SKOR2: variants seen among roughly 807,000 people sequenced by gnomAD.
SKOR2 encodes the protein SKI family transcriptional corepressor 2.
In SKOR2, 47 loss-of-function variants were observed where a neutral mutation model predicts 69.1. The ratio of observed to expected loss-of-function variants is 0.68; its 90% CI spans 0.54 to 0.87. SKOR2 has a LOEUF of 0.87. Among genes scored for constraint, SKOR2 ranks in the 40% least tolerant of loss-of-function variants. The pLI is 0.00. For missense variants in SKOR2, 1,404 were observed against 1,472.2 expected, an observed-to-expected ratio of 0.95 and a Z score of 0.76; for synonymous variants, 717 against 672.6, an observed-to-expected ratio of 1.07 and a Z score of -1.02.
In SKOR2 at chr18:47,247,175, G is replaced by T. The variant is rs1211007231; in HGVS notation, c.2009C>A (p.Pro670Gln). 7.7e-7 allele frequency: 1 copy of T among 1,306,904 alleles called. No individual in the cohort carries two copies. Among genetic ancestry groups the T allele is most frequent in the Non-Finnish European group, 9.7e-7 (1 of 1,031,392 alleles). 81.0% of individuals were successfully genotyped at this position (1,306,904 alleles called of 1,614,324 possible). A position where few individuals can be genotyped will look rare whatever the true frequency, so the allele number is the denominator to read the frequency against. The change falls in exon 2 of 9, where the codon CCG becomes CAG. Residue 670 changes from proline to glutamine, a missense_variant. Transcript: ENST00000425639. The surrounding 1 kb of genome is among the most constrained non-coding windows in gnomAD (Gnocchi z 6.6). ...PHHHHHHHHP[P>Q]QPPSPLLLLP... Reference sequence around the variant, plus strand: ...CAGCAGAAGCGGCGACGGCGGCTGCGGGGGGTGGTGGTGGTGGTGGTGGTG... The same window carrying T: ...CAGCAGAAGCGGCGACGGCGGCTGCTGGGGGTGGTGGTGGTGGTGGTGGTG...
Position 47,247,197 on chromosome 18 carries a change from G to T in SKOR2, c.1987C>A (p.His663Asn). ...HPHHHHHPHHHHHHHHPPQPP... is the reference protein window; with the variant it reads ...HPHHHHHPHHNHHHHHPPQPP... ...TGCGGGGGGTGGTGGTGGTGGTGGT[G>T]GTGGTGAGGGTGGTGATGGTGGTGG... Residue 663 changes from histidine to asparagine, a missense_variant, in exon 2 of 9, where the codon CAC (histidine) becomes AAC (asparagine). His to Asn is a moderately conservative substitution (Grantham distance 68). Transcript: ENST00000425639. The surrounding 1 kb of genome is among the most constrained non-coding windows in gnomAD (Gnocchi z 6.6). 1 of 1,379,402 alleles carries T rather than the reference G, an allele frequency of 7.2e-7. No homozygotes were observed. The highest frequency in any genetic ancestry group is 9.4e-7 in the Non-Finnish European group (1 of 1,067,904). 85.4% of individuals were successfully genotyped at this position (1,379,402 alleles called of 1,614,324 possible). A position where few individuals can be genotyped will look rare whatever the true frequency, so the allele number is the denominator to read the frequency against.
intron 6 of SKOR2, among the ~76,000 whole-genome samples, chr18:47,222,639 A>G (rs1390958971): frequency 4.6e-5 from 7 of 152,218 alleles, no homozygotes; most frequent in African/African-American, 1.7e-4. Context: ...CATGGCAAGC[A>G]TGGCTCCCTT....
chr18:47,209,751 T>C (rs2064122377), intron 8 of SKOR2, among the ~76,000 whole-genome samples: 1 of 151,582 alleles, frequency 6.6e-6, no homozygotes, highest in Non-Finnish European at 1.5e-5. Flanking sequence ...GGAAGATGGG[T>C]TGGGGAAGTG....
Position 47,246,569 on chromosome 18 carries a change from A to T in SKOR2, c.2613+2T>A. 1 of 1,514,316 alleles carries T rather than the reference A, an allele frequency of 6.6e-7. No individual in the cohort carries two copies. The highest frequency in any genetic ancestry group is 8.8e-7 in the Non-Finnish European group (1 of 1,138,676). The allele number at this position is 1,514,316 out of a possible 1,614,324, so 93.8% of individuals were successfully genotyped here. A position where few individuals can be genotyped will look rare whatever the true frequency, so the allele number is the denominator to read the frequency against. ...TTGAAGGAGCCTAAAGGGGATATTT[A>T]CATCTTTGTAGGAGGGCTGCTCCTC... On this transcript the variant is annotated splice_donor_variant, in intron 2 of 8. Coordinates refer to ENST00000425639, the MANE Select transcript of SKOR2 (RefSeq NM_001278063.4). LOFTEE classifies it high-confidence loss of function.
rs1326223860 is a variant in SKOR2 at position 47,247,930 on chromosome 18, GA to G, written c.1253del (p.Phe418SerfsTer78). On this transcript the variant is annotated frameshift_variant, in exon 2 of 9. Transcript: ENST00000425639. LOFTEE classifies it high-confidence loss of function. This position sits in a 1 kb window ranked among gnomAD's most constrained non-coding sequence, Gnocchi z 6.6. ...CATCCTCTTTCTTATGGCACAAGCT[GA>G]AGGCGGCGGCCGCGGCAGGGAAGGT... ...PYTFPAAAAA[F>X]SLCHKKEDAG... is the part of the protein sequence containing the mutation. 2 of 1,369,214 alleles carry G rather than the reference GA, an allele frequency of 1.5e-6. No homozygotes were observed. Among genetic ancestry groups the G allele is most frequent in the South Asian group, 1.7e-5 (1 of 57,272 alleles). The allele number at this position is 1,369,214 out of a possible 1,614,324, so 84.8% of individuals were successfully genotyped here.
chr18:47,225,053 A>C (rs560896162), intron 6 of SKOR2, among the ~76,000 whole-genome samples: 13 of 152,252 alleles, frequency 8.5e-5, no homozygotes, highest in African/African-American at 3.1e-4. Flanking sequence ...AAGAAAGAAG[A>C]AGGAAGGAAG....
intron 7 of SKOR2, among the ~76,000 whole-genome samples, chr18:47,218,934 T>C (rs2064152611): frequency 6.6e-6 from 1 of 152,336 alleles, no homozygotes; most frequent in South Asian, 2.1e-4. Context: ...GGAAAACCAA[T>C]TGCTGCAAAA....
chr18:47,217,211 G>A (rs527386348), intron 7 of SKOR2, among the ~76,000 whole-genome samples: 66 of 152,300 alleles, frequency 4.3e-4, no homozygotes, highest in South Asian at 3.7e-3. Context: ...GTACTACTTT[G>A]AGAAGGGCCA....
In SKOR2 at chr18:47,246,927, CG is replaced by C; in HGVS notation, c.2256del (p.Glu753ArgfsTer29). On this transcript the variant is annotated frameshift_variant, in exon 2 of 9. Transcript: ENST00000425639. LOFTEE classifies it high-confidence loss of function. ...QEVDVEGHKP[P>X]EGEEEEEGRD... Reference sequence around the variant, plus strand: ...CGACCTTCCTCCTCTTCCTCGCCCTCGGGGGGCTTGTGGCCCTCCACGTCCA... The same window carrying C: ...CGACCTTCCTCCTCTTCCTCGCCCTCGGGGGCTTGTGGCCCTCCACGTCCA... 4 of 1,496,182 alleles carry C rather than the reference CG, an allele frequency of 2.7e-6. No individual in the cohort carries two copies. Among genetic ancestry groups the C allele is most frequent in the East Asian group, 2.8e-5 (1 of 36,292 alleles). The allele number at this position is 1,496,182 out of a possible 1,614,324, so 92.7% of individuals were successfully genotyped here.
chr18:47,246,773 G>A lies in SKOR2; in HGVS notation c.2411C>T (p.Pro804Leu), dbSNP rs1460243184. The change falls in exon 2 of 9, where the codon CCG becomes CTG. Residue 804 changes from proline (P) to leucine (L), a missense_variant. Pro to Leu is a moderately conservative substitution (Grantham distance 98). Coordinates refer to ENST00000425639, the MANE Select transcript of SKOR2 (RefSeq NM_001278063.4). ...SEKGSSRDRA[P>L]AVAGAFPLGL... ...GAGCGGGAACGCGCCCGCGACGGCC[G>A]GCGCGCGGTCCCGGCTGCTCCCCTT... 3 of 1,403,344 alleles carry A rather than the reference G, an allele frequency of 2.1e-6. No individual in the cohort carries two copies. The highest frequency in any genetic ancestry group is 9.2e-7 in the Non-Finnish European group (1 of 1,088,498). The allele number at this position is 1,403,344 out of a possible 1,614,324, so 86.9% of individuals were successfully genotyped here.
At chr18:47,246,063 G>A (rs1160291148) in intron 2 of SKOR2, among the ~76,000 whole-genome samples, 1 of 152,136 alleles carries the variant, frequency 6.6e-6, no homozygotes, top group Admixed American at 6.5e-5. Flanking sequence ...CAACAGTTGT[G>A]TCCATTCTGG....
In SKOR2 at chr18:47,248,019, C is replaced by T; in HGVS notation, c.1165G>A (p.Gly389Ser). ...TTCTGCAGGACGCCCCCGAACGAGC[C>T]CTTGCTGGGCACCGGGATGACTGGG... is the stretch of plus-strand genomic sequence containing the variant. ...SYPVIPVPSK[G>S]SFGGVLQKFP... Residue 389 changes from glycine to serine, a missense_variant, in exon 2 of 9, where the codon GGC becomes AGC. Transcript: ENST00000425639. The surrounding 1 kb of genome is among the most constrained non-coding windows in gnomAD (Gnocchi z 6.4). The T allele has an allele frequency of 1.4e-6, 2 of 1,439,256 alleles. No individual in the cohort carries two copies. The highest frequency in any genetic ancestry group is 1.8e-6 in the Non-Finnish European group (2 of 1,097,700). 89.2% of individuals were successfully genotyped at this position (1,439,256 alleles called of 1,614,324 possible).
chr18:47,247,288 G>T lies in SKOR2; in HGVS notation c.1896C>A (p.Asp632Glu). The change falls in exon 2 of 9, where the codon GAC becomes GAA. Residue 632 changes from aspartate to glutamate, a missense_variant. By Grantham distance (45) the Asp-to-Glu change is conservative. Transcript: ENST00000425639. This position sits in a 1 kb window ranked among gnomAD's most constrained non-coding sequence, Gnocchi z 6.6. The stretch of plus-strand genomic sequence containing the variant: ...CGTGCAGCTTGGCCAGGCTCTCCGC[G>T]TCGTCCTTGCCGCCCACTGGCCGGA... The part of the protein sequence containing the change: ...SAFRPVGGKD[D>E]AESLAKLHGA... 6.7e-7 allele frequency: 1 copy of T among 1,482,518 alleles called. No homozygotes were observed. Among genetic ancestry groups the T allele is most frequent in the Non-Finnish European group, 8.9e-7 (1 of 1,122,312 alleles). 91.8% of individuals were successfully genotyped at this position (1,482,518 alleles called of 1,614,324 possible).
At position 47,233,055 on chromosome 18, in the gene SKOR2, A is replaced by ATGTG. The variant is rs138392837; in HGVS notation, c.2753-2059_2753-2056dup. Among the ~76,000 whole-genome samples the ATGTG allele has an allele frequency of 6.6e-5, 10 of 151,688 alleles. No individual in the cohort carries two copies. The East Asian group carries it at 1.9e-3, about 29-fold the overall frequency. On this transcript the variant is annotated intron_variant, in intron 4 of 8. Coordinates refer to ENST00000425639, the MANE Select transcript of SKOR2 (RefSeq NM_001278063.4). ...GGAGTATGTTTGTGTGTGTTTGTGC[A>ATGTG]TGTGTGTGTGTGTGTAGGTAAATAC... is the stretch of plus-strand genomic sequence containing the variant.
intron 4 of SKOR2, among the ~76,000 whole-genome samples, chr18:47,232,446 C>A (rs1186463307): frequency 1.3e-5 from 2 of 152,184 alleles, no homozygotes; most frequent in Non-Finnish European, 2.9e-5. Flanking sequence ...AAAAATTCAA[C>A]CCCCTATCCT....
chr18:47,230,536 A>C lies in SKOR2; in HGVS notation c.2840T>G (p.Phe947Cys), dbSNP rs7235231. ...MGKEELQKVL[F>C]EQIDLRRRLE... is the part of the protein sequence containing the mutation. ...TCGTCTCCGTAAATCTATTTGTTCA[A>C]ATAAAACCTTCTGAAGTTCTTCTAA... The change falls in exon 6 of 9, where the codon TTT becomes TGT. Residue 947 changes from phenylalanine to cysteine, a missense_variant. By Grantham distance (205) the Phe-to-Cys change is radical. This residue lies in a region of SKOR2 where 1,266 missense variants were observed against 1,309.9 expected (regional missense o/e 0.97). Coordinates refer to ENST00000425639, the MANE Select transcript of SKOR2 (RefSeq NM_001278063.4). 3,706 of 1,433,812 alleles carry C rather than the reference A, an allele frequency of 2.6e-3. 83 individuals are homozygous for C. The African/African-American group carries it at 0.044, about 17-fold the overall frequency. 88.8% of individuals were successfully genotyped at this position (1,433,812 alleles called of 1,614,324 possible). A position where few individuals can be genotyped will look rare whatever the true frequency, so the allele number is the denominator to read the frequency against.
rs1314125073 is a variant in SKOR2, at chr18:47,248,413, G to A, written c.771C>T (p.Ser257=). 6 of 1,525,762 alleles carry A rather than the reference G, an allele frequency of 3.9e-6. No homozygotes were observed. Among genetic ancestry groups the A allele is most frequent in the South Asian group, 3.6e-5 (3 of 83,628 alleles). The allele number at this position is 1,525,762 out of a possible 1,614,324, so 94.5% of individuals were successfully genotyped here. A position where few individuals can be genotyped will look rare whatever the true frequency, so the allele number is the denominator to read the frequency against. The change falls in exon 2 of 9, where the codon AGC becomes AGT. Residue 257 remains serine, a synonymous_variant. Transcript: ENST00000425639. The surrounding 1 kb of genome is among the most constrained non-coding windows in gnomAD (Gnocchi z 6.4). ...PGAHPACHPL[S]SVKAAAVAAA... ...CGGCCACGGCGGCCGCCTTCACAGA[G>A]CTGAGCGGGTGGCAGGCGGGGTGCG... is the stretch of plus-strand genomic sequence containing the variant.
At position 47,248,449 on chromosome 18, in the gene SKOR2, G is replaced by GGGCAGTGCGCGCTTGCGGCTGC; in HGVS notation, c.713_734dup (p.Gly248GlnfsTer183). On this transcript the variant is annotated frameshift_variant, in exon 2 of 9. Transcript: ENST00000425639. LOFTEE classifies it high-confidence loss of function. The surrounding 1 kb of genome is among the most constrained non-coding windows in gnomAD (Gnocchi z 6.4). ...GGCAGGCGGGGTGCGCGCCCGGCTG[G>GGGCAGTGCGCGCTTGCGGCTGC]GGCAGTGCGCGCTTGCGGCTGCCGC... 6.5e-7 allele frequency: 1 copy of GGGCAGTGCGCGCTTGCGGCTGC among 1,535,562 alleles called. No homozygotes were observed. Among genetic ancestry groups the GGGCAGTGCGCGCTTGCGGCTGC allele is most frequent in the Non-Finnish European group, 8.7e-7 (1 of 1,146,432 alleles).
chr18:47,249,812 C>G (rs1432174659), intron 1 of SKOR2, among the ~76,000 whole-genome samples: 1 of 152,182 alleles, frequency 6.6e-6, no homozygotes, highest in Non-Finnish European at 1.5e-5. Context: ...CTCCCTCACC[C>G]TTGCCATTAG....
Sources: allele counts gnomAD v4.1 joint callset (sites outside exome capture counted in the v4.1 genomes callset), GRCh38; gene constraint gnomAD v4.1.1; regional missense constraint gnomAD v4.1.1; non-coding constraint Gnocchi (gnomAD v3.1); transcripts MANE v1.5; gene names NCBI Gene and HGNC (gene_info 2026-07-23, HGNC 2026-07-21).